PLCH1: variants seen among roughly 807,000 people sequenced by gnomAD.
PLCH1 encodes 1-phosphatidylinositol 4,5-bisphosphate phosphodiesterase eta-1.
PLCH1 carries 60 observed loss-of-function variants against 126.7 expected under a neutral mutation model. The ratio of observed to expected loss-of-function variants is 0.47; its 90% CI spans 0.38 to 0.59. PLCH1 has a LOEUF of 0.59. Ranked by LOEUF, PLCH1 falls within the 20% of genes least tolerant of loss-of-function variation. The pLI is 0.00. For synonymous variants in PLCH1, 719 were observed against 734.9 expected, an observed-to-expected ratio of 0.98 and a Z score of 0.35; for missense variants, 1,723 against 2,040.0, an observed-to-expected ratio of 0.84 and a Z score of 2.99.
intron 7 of PLCH1, 111 bp from the exon 8 acceptor site, chr3:155,565,229 C>G (rs1205336453): frequency 3.0e-6 from 2 of 668,674 alleles, no homozygotes; most frequent in Non-Finnish European, 5.3e-6. Context: ...CTTATTTACC[C>G]TCAGGATGGC....
At chr3:155,492,313 G>C (rs1716334008) in intron 18 of PLCH1, among the ~76,000 whole-genome samples, 1 of 152,208 alleles carries the variant, frequency 6.6e-6, no homozygotes, top group African/African-American at 2.4e-5. Flanking sequence ...ATGATAATAA[G>C]AATCAGCACA....
At chr3:155,734,875 A>AT (rs1244114781) in intron 1 of PLCH1, among the ~76,000 whole-genome samples, 212 of 151,886 alleles carry the variant, frequency 1.4e-3, no homozygotes, top group African/African-American at 4.9e-3. Flanking sequence ...CGCCCGGCTA[A>AT]TTTTTTTGTA....
intron 2 of PLCH1, among the ~76,000 whole-genome samples, chr3:155,669,570 T>G (rs1250795977): frequency 6.6e-6 from 1 of 152,248 alleles, no homozygotes; most frequent in Non-Finnish European, 1.5e-5. Context: ...AAAATTTGTA[T>G]GTTCTTATTC....
Position 155,467,721 on chromosome 3 carries a change from A to C in PLCH1, c.2938+17635T>G, listed in dbSNP as rs138455795. Among the ~76,000 whole-genome samples, 71 of 152,344 alleles carry C rather than the reference A, an allele frequency of 4.7e-4. 1 individual carries two copies. The East Asian group carries it at 7.3e-3, about 16-fold the overall frequency. On this transcript the variant is annotated intron_variant, in intron 21 of 21. Coordinates refer to the PLCH1 transcript ENST00000494598. ...TATTTAAAGTGCTAAAGGAAAAAGA[A>C]ACTCTTACCCTAAAATAGTATAACT...
intron 1 of PLCH1, among the ~76,000 whole-genome samples, chr3:155,721,679 C>T (rs1747956824): frequency 6.6e-6 from 1 of 152,110 alleles, no homozygotes; most frequent in Admixed American, 6.5e-5. Flanking sequence ...TCCTCTTTAC[C>T]AACATGGATA....
intron 2 of PLCH1, among the ~76,000 whole-genome samples, chr3:155,667,523 TA>T (rs1742859204): frequency 6.6e-6 from 1 of 151,932 alleles, no homozygotes; most frequent in East Asian, 1.9e-4. Flanking sequence ...AGTAGCACAA[TA>T]AAATAATGGC....
At chr3:155,676,714 T>C (rs1202740528) in intron 2 of PLCH1, among the ~76,000 whole-genome samples, 1 of 152,218 alleles carries the variant, frequency 6.6e-6, no homozygotes, top group African/African-American at 2.4e-5. Flanking sequence ...TCCTTGTTTT[T>C]TTGTCCTGAT....
At chr3:155,473,480 C>A (rs1176045273) in intron 21 of PLCH1, among the ~76,000 whole-genome samples, 2 of 150,984 alleles carry the variant, frequency 1.3e-5, no homozygotes, top group African/African-American at 2.4e-5. Context: ...GAATCAATAT[C>A]GTGAAAATGG....
At chr3:155,560,782 C>T (rs1727476198) in intron 8 of PLCH1, among the ~76,000 whole-genome samples, 1 of 152,090 alleles carries the variant, frequency 6.6e-6, no homozygotes, top group Non-Finnish European at 1.5e-5. Flanking sequence ...CAGCACATTC[C>T]CCACCAAAAT....
intron 12 of PLCH1, among the ~76,000 whole-genome samples, chr3:155,513,130 C>CCATA (rs1419075341): frequency 1.3e-5 from 2 of 152,308 alleles, no homozygotes; most frequent in African/African-American, 4.8e-5. Context: ...CTGCCCAGAG[C>CCATA]CATACTCAGC....
intron 8 of PLCH1, among the ~76,000 whole-genome samples, chr3:155,561,277 C>T (rs1159830669): frequency 1.8e-5 from 2 of 110,722 alleles, no homozygotes; most frequent in African/African-American, 3.4e-5. Context: ...TGCTATCCCT[C>T]CCCCCCTCCC....
chr3:155,673,038 C>T (rs1484853660), intron 2 of PLCH1, among the ~76,000 whole-genome samples: 5 of 139,416 alleles, frequency 3.6e-5, no homozygotes, highest in South Asian at 2.3e-4. Flanking sequence ...AGCTTAAAAC[C>T]TTCTGTTGCC....
Position 155,488,730 on chromosome 3 carries a change from C to T in PLCH1, c.2469G>A (p.Val823=). ...CTCGTCCAATGGGATCGTGATCCCA[C>T]ACAAGGAACCGAACCAAAGCTATTT... ...MPEIALVRFL[V]WDHDPIGRDF... The change falls in exon 20 of 23, where the codon GTG becomes GTA. Residue 823 remains valine (V), a synonymous_variant. Coordinates refer to ENST00000460012, the MANE Select transcript of PLCH1 (RefSeq NM_014996.4). The T allele has an allele frequency of 6.2e-7, 1 of 1,613,520 alleles. No homozygotes were observed. Among genetic ancestry groups the T allele is most frequent in the South Asian group, 1.1e-5 (1 of 91,062 alleles).
chr3:155,453,383 T>C (rs1457642911), intron 21 of PLCH1, among the ~76,000 whole-genome samples: 1 of 152,174 alleles, frequency 6.6e-6, no homozygotes, highest in Non-Finnish European at 1.5e-5. Context: ...ATTCTGATCA[T>C]TTTACTGTGG....
chr3:155,470,120 A>C (rs1446063154), intron 21 of PLCH1, among the ~76,000 whole-genome samples: 1 of 151,772 alleles, frequency 6.6e-6, no homozygotes. Flanking sequence ...AGACGATCAA[A>C]TTACTCTGAG....
intron 10 of PLCH1, among the ~76,000 whole-genome samples, chr3:155,529,440 T>C (rs1553814730): frequency 6.6e-6 from 1 of 152,152 alleles, no homozygotes; most frequent in Non-Finnish European, 1.5e-5. Flanking sequence ...CTTAGAATTA[T>C]TATGAGTGTG....
chr3:155,582,972 C>T (rs1235316948), intron 6 of PLCH1, among the ~76,000 whole-genome samples: 1 of 151,706 alleles, frequency 6.6e-6, no homozygotes, highest in Non-Finnish European at 1.5e-5. Context: ...GATCAAATGG[C>T]AATTTACTAT....
chr3:155,614,844 T>C (rs1394368810), intron 2 of PLCH1, among the ~76,000 whole-genome samples: 1 of 151,994 alleles, frequency 6.6e-6, no homozygotes, highest in Non-Finnish European at 1.5e-5. Flanking sequence ...GAAGATAACA[T>C]CAGAAAAACC....
At chr3:155,616,756 C>G (rs919471126) in intron 2 of PLCH1, among the ~76,000 whole-genome samples, 2 of 152,062 alleles carry the variant, frequency 1.3e-5, no homozygotes, top group Non-Finnish European at 2.9e-5. Context: ...TGTCTCCTCT[C>G]TATAAAATAA....
Sources: allele counts gnomAD v4.1 joint callset (sites outside exome capture counted in the v4.1 genomes callset), GRCh38; gene constraint gnomAD v4.1.1; transcripts MANE v1.5; gene names NCBI Gene and HGNC (gene_info 2026-07-23, HGNC 2026-07-21).